PLGLB2: variants seen among roughly 807,000 people sequenced by gnomAD.
PLGLB2 encodes plasminogen like B2, also known as plasminogen-like protein B.
intron 1 of PLGLB2, among the ~76,000 whole-genome samples, chr2:87,750,335 A>G (rs2104196138): frequency 6.6e-6 from 1 of 151,186 alleles, no homozygotes; most frequent in Admixed American, 6.6e-5. Flanking sequence ...CGTAGGACAC[A>G]CTTTGTGGAT....
Position 87,759,032 on chromosome 2 carries a change from C to T in PLGLB2, c.*2214C>T, listed in dbSNP as rs1199869860. On this transcript the variant is annotated 3_prime_UTR_variant, in exon 4 of 4. Transcript: ENST00000359481. ...ATTAACCTGATTTTTTTTTTTTTTT[C>T]TGAGACAGAATTTTGCTCTCATTGC... is the stretch of plus-strand genomic sequence containing the variant. Among the ~76,000 whole-genome samples the T allele has an allele frequency of 5.2e-5, 7 of 135,908 alleles. No individual in the cohort carries two copies. The highest frequency in any genetic ancestry group is 2.1e-4 in the East Asian group (1 of 4,744). The allele number at this position is 135,908 out of a possible 152,430, so 89.2% of individuals were successfully genotyped here. A position where few individuals can be genotyped will look rare whatever the true frequency, so the allele number is the denominator to read the frequency against.
chr2:87,750,190 A>G (rs1431283853), intron 1 of PLGLB2, among the ~76,000 whole-genome samples: 2 of 152,290 alleles, frequency 1.3e-5, no homozygotes, highest in African/African-American at 4.8e-5. Flanking sequence ...GCGATGCGCT[A>G]TGAAGTATAA....
rs1684769993 is a variant in PLGLB2 at position 87,757,192 on chromosome 2, CTCA to C, written c.*377_*379del. 1 of 113,318 alleles carries C rather than the reference CTCA, an allele frequency of 8.8e-6. No individual in the cohort carries two copies. The highest frequency in any genetic ancestry group is 3.8e-5 in the African/African-American group (1 of 26,306). The allele number at this position is 113,318 out of a possible 1,614,324, so 7.0% of individuals were successfully genotyped here. A position where few individuals can be genotyped will look rare whatever the true frequency, so the allele number is the denominator to read the frequency against. ...TTTTATTGTCATATTGTTATTTTCT[CTCA>C]TCTTTTTCAAGTCTTTTCCATCCAC... On this transcript the variant is annotated 3_prime_UTR_variant, in exon 4 of 4. Transcript: ENST00000359481.
At position 87,753,381 on chromosome 2, in the gene PLGLB2, GC is replaced by G. The variant is rs1463253241; in HGVS notation, c.186-144del. 102 of 285,288 alleles carry G rather than the reference GC, an allele frequency of 3.6e-4. 1 individual carries two copies. The highest frequency in any genetic ancestry group is 2.3e-3 in the African/African-American group (90 of 38,498). 17.7% of individuals were successfully genotyped at this position (285,288 alleles called of 1,614,324 possible). A position where few individuals can be genotyped will look rare whatever the true frequency, so the allele number is the denominator to read the frequency against. On this transcript the variant is annotated intron_variant, in intron 2 of 3. Coordinates refer to ENST00000359481, the MANE Select transcript of PLGLB2 (RefSeq NM_002665.4). ...TTGTTCAGTACTTCATCAATGCCATGCCCAAATAACTGAAAGAGGCAGCAAT... is the reference window on the plus strand; with the variant it reads ...TTGTTCAGTACTTCATCAATGCCATGCCAAATAACTGAAAGAGGCAGCAAT...
At chr2:87,751,412 C>T (rs1445546143) in intron 1 of PLGLB2, 10 of 149,040 alleles carry the variant, frequency 6.7e-5, no homozygotes, top group African/African-American at 2.2e-4. Flanking sequence ...AGCTTCTTAC[C>T]CTCCAGTGTT....
chr2:87,750,154 C>G (rs1684622837), intron 1 of PLGLB2, among the ~76,000 whole-genome samples: 1 of 152,238 alleles, frequency 6.6e-6, no homozygotes, highest in Non-Finnish European at 1.5e-5. Context: ...TTCCTAGGGA[C>G]AGGAGCTGGG....
intron 3 of PLGLB2, chr2:87,756,159 C>T (rs1297076830): frequency 9.7e-5 from 4 of 41,230 alleles, no homozygotes; most frequent in Admixed American, 3.0e-4. Context: ...AAACACCTGC[C>T]AGCTGCATGT....
rs1221984337 is a variant in PLGLB2 at position 87,748,213 on chromosome 2, GT to G, written c.49+18del. ...TATTTCTGAAATCAGGTAAGACATA[GT>G]TTTTTTAAATTATAATAATTATTTT... is the stretch of plus-strand genomic sequence containing the variant. On this transcript the variant is annotated intron_variant, in intron 1 of 3. Transcript: ENST00000359481. The G allele has an allele frequency of 1.2e-5, 8 of 682,014 alleles. No homozygotes were observed. The Admixed American group carries it at 1.5e-4, about 13-fold the overall frequency. 42.2% of individuals were successfully genotyped at this position (682,014 alleles called of 1,614,324 possible). A position where few individuals can be genotyped will look rare whatever the true frequency, so the allele number is the denominator to read the frequency against.
chr2:87,756,410 AT>A (rs1684721316), intron 3 of PLGLB2: 1 of 152,250 alleles, frequency 6.6e-6, no homozygotes, highest in African/African-American at 2.5e-5. Context: ...CCCTTTCCCC[AT>A]TCTCTTACTC....
At chr2:87,750,279 C>G (rs1335492066) in intron 1 of PLGLB2, among the ~76,000 whole-genome samples, 2 of 151,668 alleles carry the variant, frequency 1.3e-5, no homozygotes, top group African/African-American at 4.8e-5. Flanking sequence ...GTAGCCTGCT[C>G]TGCTATACTT....
intron 1 of PLGLB2, among the ~76,000 whole-genome samples, chr2:87,748,982 A>G (rs1409307495): frequency 7.7e-6 from 1 of 129,764 alleles, no homozygotes; most frequent in Non-Finnish European, 1.6e-5. Context: ...TCAGTGACCA[A>G]ATTCTCAAAT....
At chr2:87,751,437 T>A in intron 1 of PLGLB2, 1 of 150,066 alleles carries the variant, frequency 6.7e-6, no homozygotes, top group African/African-American at 2.4e-5. Context: ...CCAATTTTTG[T>A]CCAAGTTGGC....
intron 2 of PLGLB2, among the ~76,000 whole-genome samples, chr2:87,753,141 G>C (rs1264616442): frequency 1.3e-5 from 2 of 150,028 alleles, no homozygotes; most frequent in Non-Finnish European, 3.0e-5. Flanking sequence ...ATGTGGGGCA[G>C]AGGTTCAGGG....
chr2:87,750,209 C>A (rs1684623725), intron 1 of PLGLB2, among the ~76,000 whole-genome samples: 1 of 152,252 alleles, frequency 6.6e-6, no homozygotes, highest in African/African-American at 2.4e-5. Context: ...AATAACATGA[C>A]ACAGAGAACT....
intron 1 of PLGLB2, among the ~76,000 whole-genome samples, chr2:87,750,165 G>A (rs1267213287): frequency 6.6e-6 from 1 of 152,286 alleles, no homozygotes; most frequent in Non-Finnish European, 1.5e-5. Flanking sequence ...AGGAGCTGGG[G>A]AGGGGATCTC....
chr2:87,751,565 A>T (rs1207061597), intron 1 of PLGLB2: 4 of 149,934 alleles, frequency 2.7e-5, no homozygotes, highest in African/African-American at 9.7e-5. Context: ...ACAGTGTCAG[A>T]ACCAAAGCGC....
At chr2:87,756,387 C>A (rs1323507696) in intron 3 of PLGLB2, 1 of 147,598 alleles carries the variant, frequency 6.8e-6, no homozygotes, top group Non-Finnish European at 1.5e-5. Context: ...CCTGCCATTC[C>A]CCCATCTAAA....
At chr2:87,750,003 G>C (rs1211735263) in intron 1 of PLGLB2, among the ~76,000 whole-genome samples, 2 of 146,194 alleles carry the variant, frequency 1.4e-5, no homozygotes, top group African/African-American at 4.9e-5. Flanking sequence ...TCCACTAAAA[G>C]ATTTGATGTT....
At chr2:87,753,710 T>TA (rs1684670277) in intron 3 of PLGLB2, 76 bp downstream of exon 3, 1 of 778,136 alleles carries the variant, frequency 1.3e-6, no homozygotes, top group Admixed American at 1.9e-5. Flanking sequence ...ATTCTATCTT[T>TA]AATTTATGAG....
Sources: allele counts gnomAD v4.1 joint callset (sites outside exome capture counted in the v4.1 genomes callset), GRCh38; gene constraint gnomAD v4.1.1; transcripts MANE v1.5; gene names NCBI Gene and HGNC (gene_info 2026-07-23, HGNC 2026-07-21).